The following RBMS3 variants were observed in gnomAD, a reference collection of about 807,000 sequenced individuals.
The protein encoded by RBMS3 is RNA binding motif single stranded interacting protein 3.
A neutral mutation model predicts 66.8 loss-of-function variants in RBMS3; 27 were observed. That is an observed-to-expected ratio of 0.40 (90% CI 0.30 to 0.56). The LOEUF is 0.56. Among genes scored for constraint, RBMS3 ranks in the 20% least tolerant of loss-of-function variants. The pLI is 0.40. For synonymous variants in RBMS3, 188 were observed against 183.0 expected, an observed-to-expected ratio of 1.03 and a Z score of -0.22; for missense variants, 513 against 549.5, an observed-to-expected ratio of 0.93 and a Z score of 0.66.
intron 10 of RBMS3, among the ~76,000 whole-genome samples, chr3:29,930,337 C>T (rs990712512): frequency 2.6e-5 from 4 of 151,658 alleles, no homozygotes; most frequent in Non-Finnish European, 5.9e-5. Flanking sequence ...TGGTCTCGAT[C>T]TCCTGACCTC....
At chr3:29,457,228 C>T (rs918280227) in intron 2 of RBMS3, among the ~76,000 whole-genome samples, 3 of 152,186 alleles carry the variant, frequency 2.0e-5, no homozygotes, top group Non-Finnish European at 4.4e-5. Context: ...AGATGTCTCT[C>T]GAGTTTGTTC....
intron 4 of RBMS3, among the ~76,000 whole-genome samples, chr3:29,674,126 C>A (rs1267597869): frequency 6.6e-6 from 1 of 152,108 alleles, no homozygotes; most frequent in Non-Finnish European, 1.5e-5. Context: ...TGTAATCCAT[C>A]ATATAAACAG....
intron 2 of RBMS3, among the ~76,000 whole-genome samples, chr3:29,439,112 A>G (rs2041512156): frequency 1.3e-5 from 2 of 152,186 alleles, no homozygotes; most frequent in African/African-American, 4.8e-5. Context: ...ACAAAGGGCT[A>G]AGAAAAAGCC....
chr3:29,783,127 A>C (rs1309158024), intron 6 of RBMS3, among the ~76,000 whole-genome samples: 2 of 152,210 alleles, frequency 1.3e-5, no homozygotes, highest in African/African-American at 4.8e-5. Context: ...AACACATTTG[A>C]GGGAATAATC....
chr3:29,281,766 G>C lies in RBMS3; in HGVS notation c.75+10G>C, dbSNP rs950860451. On this transcript the variant is annotated intron_variant, in intron 1 of 14. Transcript: ENST00000383767. ...TTATCTCCAAACCAAGGTATGGCTTGACCCACGGTCTGGCGATCAGCGTGG... is the reference window on the plus strand; with the variant it reads ...TTATCTCCAAACCAAGGTATGGCTTCACCCACGGTCTGGCGATCAGCGTGG... 20 of 1,606,662 alleles carry C rather than the reference G, an allele frequency of 1.2e-5. No individual in the cohort carries two copies. Among genetic ancestry groups the C allele is most frequent in the Non-Finnish European group, 1.7e-5 (20 of 1,174,052 alleles).
intron 2 of RBMS3, among the ~76,000 whole-genome samples, chr3:29,459,724 C>A (rs2042309410): frequency 6.6e-6 from 1 of 152,110 alleles, no homozygotes; most frequent in African/African-American, 2.4e-5. Context: ...GTGCTAACTG[C>A]AAAATGCATG....
At chr3:29,584,294 G>C (rs1410054249) in intron 3 of RBMS3, among the ~76,000 whole-genome samples, 1 of 151,904 alleles carries the variant, frequency 6.6e-6, no homozygotes, top group African/African-American at 2.4e-5. Flanking sequence ...TGACTCTCCA[G>C]CTTTCTTTGC....
intron 6 of RBMS3, among the ~76,000 whole-genome samples, chr3:29,815,708 C>G (rs1392240664): frequency 6.6e-6 from 1 of 152,006 alleles, no homozygotes; most frequent in Non-Finnish European, 1.5e-5. Flanking sequence ...ATCCTTTGTT[C>G]TCACTTATAA....
chr3:29,636,520 T>A (rs898877984), intron 4 of RBMS3, among the ~76,000 whole-genome samples: 1 of 151,928 alleles, frequency 6.6e-6, no homozygotes, highest in Admixed American at 6.6e-5. Context: ...TGTTTAGAAT[T>A]TCATTGTTAT....
chr3:29,741,433 C>T (rs1314729870), intron 5 of RBMS3, among the ~76,000 whole-genome samples: 1 of 152,138 alleles, frequency 6.6e-6, no homozygotes, highest in African/African-American at 2.4e-5. Context: ...TATTGGAGGC[C>T]TGAGCGATGT....
chr3:29,669,500 C>T (rs543578850), intron 4 of RBMS3, among the ~76,000 whole-genome samples: 69 of 152,258 alleles, frequency 4.5e-4, no homozygotes, highest in Non-Finnish European at 9.4e-4. Context: ...TTGTACCACA[C>T]GGTTTTTAAG....
intron 6 of RBMS3, among the ~76,000 whole-genome samples, chr3:29,838,240 A>C (rs1295084323): frequency 6.7e-6 from 1 of 150,220 alleles, no homozygotes. Context: ...TGAGGAGGCC[A>C]GGGTGGGAGA....
At chr3:29,758,838 T>TA (rs2055537716) in intron 5 of RBMS3, among the ~76,000 whole-genome samples, 1 of 152,192 alleles carries the variant, frequency 6.6e-6, no homozygotes, top group Non-Finnish European at 1.5e-5. Flanking sequence ...ACGTAAATCT[T>TA]ACCAGAAATG....
At chr3:29,475,340 C>T (rs1182434708) in intron 2 of RBMS3, among the ~76,000 whole-genome samples, 1 of 151,690 alleles carries the variant, frequency 6.6e-6, no homozygotes, top group Non-Finnish European at 1.5e-5. Context: ...CCTCCACCTC[C>T]CAGATTCAAG....
intron 3 of RBMS3, among the ~76,000 whole-genome samples, chr3:29,584,181 A>G (rs1011919619): frequency 2.0e-5 from 3 of 152,078 alleles, no homozygotes; most frequent in East Asian, 1.9e-4. Flanking sequence ...TTCTTGCTCA[A>G]ACTCTCAGTA....
chr3:29,401,705 C>T (rs1018714178), intron 1 of RBMS3, among the ~76,000 whole-genome samples: 4 of 151,994 alleles, frequency 2.6e-5, no homozygotes, highest in Non-Finnish European at 4.4e-5. Flanking sequence ...TGGAATTTGC[C>T]TTCTTTTCAA....
intron 6 of RBMS3, among the ~76,000 whole-genome samples, chr3:29,865,370 G>T (rs184101450): frequency 6.6e-6 from 1 of 152,172 alleles, no homozygotes; most frequent in South Asian, 2.1e-4. Flanking sequence ...TCAAAGAGTA[G>T]AAATATGTTT....
At chr3:29,445,284 T>G (rs1424900399) in intron 2 of RBMS3, among the ~76,000 whole-genome samples, 1 of 152,040 alleles carries the variant, frequency 6.6e-6, no homozygotes, top group African/African-American at 2.4e-5. Context: ...AGGAAGGTTC[T>G]GAATATGAAG....
rs561950501 is a variant in RBMS3 at position 29,315,240 on chromosome 3, A to C, written c.75+33484A>C. ...ATTCAGAGATGTTTGTCGTAGTTTT[A>C]TTTGTTTCTTCATCATTTATTTCAT... On this transcript the variant is annotated intron_variant, in intron 1 of 14. Transcript: ENST00000383767. Among the ~76,000 whole-genome samples, 8 of 151,868 alleles carry C rather than the reference A, an allele frequency of 5.3e-5. No homozygotes were observed. The East Asian group carries it at 1.6e-3, about 30-fold the overall frequency.
Sources: allele counts gnomAD v4.1 joint callset (sites outside exome capture counted in the v4.1 genomes callset), GRCh38; gene constraint gnomAD v4.1.1; transcripts MANE v1.5; gene names NCBI Gene and HGNC (gene_info 2026-07-23, HGNC 2026-07-21).